The following A2ML1 variants were observed in gnomAD, a reference collection of about 807,000 sequenced individuals.
A2ML1 encodes alpha-2-macroglobulin-like protein 1.
In A2ML1, 161 loss-of-function variants were observed where a neutral mutation model predicts 181.9. The observed-to-expected ratio is 0.89, with a 90% CI of 0.78 to 1.01. The LOEUF (loss-of-function observed/expected upper bound fraction) is 1.01. Among genes scored for constraint, A2ML1 ranks in the 50% least tolerant of loss-of-function variants. The probability of loss-of-function intolerance (pLI) is 0.00; values close to 1 mark genes in which losing one functional copy is unlikely to be tolerated. For missense variants in A2ML1, 1,670 were observed against 1,768.1 expected (o/e 0.94, Z 1.00); for synonymous variants, 663 against 666.8 (o/e 0.99, Z 0.09).
rs762067269 is a variant in A2ML1, at chr12:8,836,283, G to A, written c.672G>A (p.Val224=). The change falls in exon 7 of 36, where the codon GTG becomes GTA. Residue 224 remains valine (V), a synonymous_variant. Transcript: ENST00000299698. ...YVLPKFKVEV[V]EPKELSTVQE... ...TGCCGAAGTTTAAGGTGGAAGTGGT[G>A]GAACCCAAGGAGTTATCAACGGTGC... is the stretch of plus-strand genomic sequence containing the variant. 1.2e-6 allele frequency: 2 copies of A among 1,613,934 alleles called. No homozygotes were observed. Among genetic ancestry groups the A allele is most frequent in the African/African-American group, 1.3e-5 (1 of 74,868 alleles).
chr12:8,841,237 T>G lies in A2ML1; in HGVS notation c.1081-132T>G, dbSNP rs746369030. 48 of 750,450 alleles carry G rather than the reference T, an allele frequency of 6.4e-5. No individual in the cohort carries two copies. In the East Asian group the frequency reaches 1.3e-3, roughly 20 times the overall value. The allele number at this position is 750,450 out of a possible 1,614,324, so 46.5% of individuals were successfully genotyped here. On this transcript the variant is annotated intron_variant, in intron 10 of 35. Coordinates refer to ENST00000299698, the MANE Select transcript of A2ML1 (RefSeq NM_144670.6). Reference sequence around the variant, plus strand: ...TTCAGGACTCTTTCCTGAAATGTATTCTTAGAAATTCTGTTATTACTTTTA... The same window carrying G: ...TTCAGGACTCTTTCCTGAAATGTATGCTTAGAAATTCTGTTATTACTTTTA...
At chr12:8,836,103 C>A (rs1354712706) in intron 6 of A2ML1, 152 bp from the exon 7 acceptor site, 3 of 618,228 alleles carry the variant, frequency 4.9e-6, no homozygotes, top group Middle Eastern at 3.9e-4. Context: ...GATGCTGAAC[C>A]AGCTAATTAC....
rs1397226910 is a variant in A2ML1 at position 8,823,252 on chromosome 12, C to T, written c.133C>T (p.Pro45Ser). 2 of 1,613,968 alleles carry T rather than the reference C, an allele frequency of 1.2e-6. No homozygotes were observed. Among genetic ancestry groups the T allele is most frequent in the East Asian group, 2.2e-5 (1 of 44,890 alleles). Residue 45 changes from proline (P) to serine (S), a missense_variant, in exon 2 of 36, where the codon CCT (proline) becomes TCT (serine). By Grantham distance (74) the Pro-to-Ser change is moderately conservative. Coordinates refer to ENST00000299698, the MANE Select transcript of A2ML1 (RefSeq NM_144670.6). ...SVQKVCLDLSPGYSDVKFTVT... is the reference protein window; with the variant it reads ...SVQKVCLDLSSGYSDVKFTVT... ...TCAGAAGGTTTGTTTGGACCTGAGC[C>T]CTGGGTACAGTGATGTTAAATTCAC...
At position 8,852,169 on chromosome 12, in the gene A2ML1, T is replaced by C. The variant is rs1017334812; in HGVS notation, c.2464-41T>C. ...TTTCCCCAGGCCTCTATGCACTACC[T>C]CCTTTGTTTGTACCCTTTGTCTCTT... On this transcript the variant is annotated intron_variant, in intron 19 of 35. Transcript: ENST00000299698. This position sits in a 1 kb window ranked among gnomAD's most constrained non-coding sequence, Gnocchi z 4.2. 3.1e-6 allele frequency: 5 copies of C among 1,612,480 alleles called. No individual in the cohort carries two copies. The highest frequency in any genetic ancestry group is 2.7e-5 in the African/African-American group (2 of 74,908).
At chr12:8,823,496 T>A in intron 2 of A2ML1, 131 bp downstream of exon 2, 1 of 1,171,946 alleles carries the variant, frequency 8.5e-7, no homozygotes, top group Non-Finnish European at 1.2e-6. Flanking sequence ...TTTCTCAACT[T>A]AACCTCAATC....
rs761168904 is a variant in A2ML1 at position 8,861,411 on chromosome 12, C to T, written c.3502+114C>T. On this transcript the variant is annotated intron_variant, in intron 28 of 35. Transcript: ENST00000299698. ...TGTACTCTAGGATTCATTTTAGTAA[C>T]AGTTATTAAGTCATCAAATTATTGT... 4.2e-5 allele frequency: 53 copies of T among 1,252,188 alleles called. No individual in the cohort carries two copies. The African/African-American group carries it at 7.5e-4, about 18-fold the overall frequency. 77.6% of individuals were successfully genotyped at this position (1,252,188 alleles called of 1,614,324 possible). A position where few individuals can be genotyped will look rare whatever the true frequency, so the allele number is the denominator to read the frequency against.
chr12:8,823,499 C>A, intron 2 of A2ML1, 134 bp downstream of exon 2: 1 of 1,152,250 alleles, frequency 8.7e-7, no homozygotes. Flanking sequence ...CTCAACTTAA[C>A]CTCAATCCCC....
chr12:8,837,594 C>T (rs1358189377), intron 8 of A2ML1, 28 bp downstream of exon 8: 1 of 1,602,746 alleles, frequency 6.2e-7, no homozygotes, highest in East Asian at 2.3e-5. Flanking sequence ...TAAAAAGGAA[C>T]CTATCGGCCA....
At position 8,861,202 on chromosome 12, in the gene A2ML1, C is replaced by A. The variant is rs960224740; in HGVS notation, c.3407C>A (p.Thr1136Lys). Residue 1136 changes from threonine to lysine, a missense_variant, in exon 28 of 36, where the codon ACA (threonine) becomes AAA (lysine). By Grantham distance (78) the Thr-to-Lys change is moderately conservative. Coordinates refer to ENST00000299698, the MANE Select transcript of A2ML1 (RefSeq NM_144670.6). The stretch of plus-strand genomic sequence containing the variant: ...GCCACCTCCACGACCAACCTCTACA[C>A]ACAGGCCCTGTTGGCTTACATTTTC... ...NSATSTTNLYTQALLAYIFSL... is the reference protein window; with the variant it reads ...NSATSTTNLYKQALLAYIFSL... 1.2e-6 allele frequency: 2 copies of A among 1,614,182 alleles called. No individual in the cohort carries two copies. Among genetic ancestry groups the A allele is most frequent in the Non-Finnish European group, 1.7e-6 (2 of 1,180,040 alleles).
rs151032368 is a variant in A2ML1, at chr12:8,852,025, G to C, written c.2463+13G>C. ...GGATTGCATCAGGGTGAGAGCTGGG[G>C]ATACAGGAATCAGGTGTCAGCCCTG... On this transcript the variant is annotated intron_variant, in intron 19 of 35. Transcript: ENST00000299698. This position sits in a 1 kb window ranked among gnomAD's most constrained non-coding sequence, Gnocchi z 4.2. 2.1e-4 allele frequency: 340 copies of C among 1,612,614 alleles called. 2 individuals are homozygous for C. The African/African-American group carries it at 4.1e-3, about 19-fold the overall frequency.
At chr12:8,882,128 G>A (rs954770098) in intron 7 of A2ML1, among the ~76,000 whole-genome samples, 4 of 152,164 alleles carry the variant, frequency 2.6e-5, no homozygotes, top group Non-Finnish European at 4.4e-5. Context: ...GATAAAGACT[G>A]GCAGTTAGCA....
chr12:8,823,079 GGTCT>G (rs1055559943), intron 1 of A2ML1, 99 bp from the exon 2 acceptor site: 289 of 1,154,690 alleles, frequency 2.5e-4, no homozygotes, highest in Middle Eastern at 1.2e-3. Flanking sequence ...GCAGGGGCTT[GGTCT>G]GTCTAATTCA....
At chr12:8,855,074 T>C (rs2136900538) in intron 22 of A2ML1, among the ~76,000 whole-genome samples, 1 of 152,218 alleles carries the variant, frequency 6.6e-6, no homozygotes, top group South Asian at 2.1e-4. Context: ...TTTGTATTTT[T>C]AGTAGAGATG....
chr12:8,867,597 A>C (rs2136955727), intron 29 of A2ML1, among the ~76,000 whole-genome samples: 2 of 152,176 alleles, frequency 1.3e-5, no homozygotes, highest in East Asian at 3.9e-4. Context: ...CAATGAGCTG[A>C]GATCGTGCCA....
At chr12:8,868,457 C>CGTGA in intron 31 of A2ML1, 80 bp from the exon 32 acceptor site, 1 of 1,442,474 alleles carries the variant, frequency 6.9e-7, no homozygotes, top group South Asian at 1.3e-5. Context: ...TGTGTGTGTA[C>CGTGA]GTGTGTGTGT....
chr12:8,838,458 G>T lies in A2ML1; in HGVS notation c.970+8G>T. 1 of 1,607,780 alleles carries T rather than the reference G, an allele frequency of 6.2e-7. No individual in the cohort carries two copies. Among genetic ancestry groups the T allele is most frequent in the South Asian group, 1.1e-5 (1 of 90,340 alleles). On this transcript the variant is annotated splice_region_variant and intron_variant, in intron 9 of 35. Transcript: ENST00000299698. ...TTGTGGAGGAAGGGACAGGTAAGTA[G>T]GGTGCTCCTTGGCTCATTAAGAAAA...
At chr12:8,824,008 G>A in intron 3 of A2ML1, 126 bp downstream of exon 3, 1 of 1,116,560 alleles carries the variant, frequency 9.0e-7, no homozygotes, top group Non-Finnish European at 1.2e-6. Context: ...AGGAAAATCT[G>A]GGGGGATTAA....
In A2ML1 at chr12:8,867,892, C is replaced by A. The variant is rs1402696997; in HGVS notation, c.3768C>A (p.Tyr1256Ter). The A allele has an allele frequency of 6.2e-7, 1 of 1,614,234 alleles. No individual in the cohort carries two copies. The highest frequency in any genetic ancestry group is 8.5e-7 in the Non-Finnish European group (1 of 1,180,036). Residue 1256 changes from tyrosine to a stop codon, truncating the protein, a stop_gained, in exon 30 of 36, where the codon TAC (tyrosine) becomes TAA (stop). Coordinates refer to ENST00000299698, the MANE Select transcript of A2ML1 (RefSeq NM_144670.6). LOFTEE classifies it high-confidence loss of function. Reference sequence around the variant, plus strand: ...TTGCCAAATATGCCACTACCGCCTACATGCCATCTGAGGAGATCAACCTGG... The same window carrying A: ...TTGCCAAATATGCCACTACCGCCTAAATGCCATCTGAGGAGATCAACCTGG... Reference protein sequence around the residue: ...QALAKYATTAYMPSEEINLVV... With the variant: ...QALAKYATTA
At chr12:8,860,259 G>T (rs1363555265) in intron 26 of A2ML1, among the ~76,000 whole-genome samples, 3 of 152,072 alleles carry the variant, frequency 2.0e-5, no homozygotes, top group Non-Finnish European at 4.4e-5. Context: ...GCCCAGGCTG[G>T]CCTCAAACTC....
Sources: allele counts gnomAD v4.1 joint callset (sites outside exome capture counted in the v4.1 genomes callset), GRCh38; gene constraint gnomAD v4.1.1; non-coding constraint Gnocchi (gnomAD v3.1); transcripts MANE v1.5; gene names NCBI Gene and HGNC (gene_info 2026-07-23, HGNC 2026-07-21).